The following SLC47A1 variants were observed in gnomAD, a reference collection of about 807,000 sequenced individuals.
SLC47A1 encodes the protein multidrug and toxin extrusion protein 1.
A neutral mutation model predicts 65.8 loss-of-function variants in SLC47A1; 58 were observed. The observed-to-expected ratio is 0.88, with a 90% CI of 0.71 to 1.10. SLC47A1 has a LOEUF of 1.10. SLC47A1 is among the 50% of genes least tolerant of loss of function. The pLI is 0.00. For synonymous variants in SLC47A1, 285 were observed against 295.0 expected (o/e 0.97, Z 0.35); for missense variants, 706 against 719.2 (o/e 0.98, Z 0.21).
At position 19,558,737 on chromosome 17, in the gene SLC47A1, C is replaced by T. The variant is rs535213649; in HGVS notation, c.922-1451C>T. ...TGGGATTACAGGCACAGCCATTGCA[C>T]CCTGCCAGTATTAACTTTGATTGCT... is the stretch of plus-strand genomic sequence containing the variant. On this transcript the variant is annotated intron_variant, in intron 10 of 16. Transcript: ENST00000270570. Among the ~76,000 whole-genome samples the T allele has an allele frequency of 2.8e-4, 43 of 152,236 alleles. No homozygotes were observed. In the South Asian group the frequency reaches 3.3e-3, roughly 12 times the overall value.
chr17:19,564,500 T>C (rs2152316173), intron 12 of SLC47A1: 1 of 152,234 alleles, frequency 6.6e-6, no homozygotes, highest in South Asian at 2.1e-4. Context: ...TAGACAAACA[T>C]GGAACGTGCT....
intron 12 of SLC47A1, among the ~76,000 whole-genome samples, chr17:19,563,385 G>A (rs1024218801): frequency 6.6e-6 from 1 of 151,786 alleles, no homozygotes; most frequent in Non-Finnish European, 1.5e-5. Flanking sequence ...GCCCGCCTCG[G>A]CCTCCCAAAG....
At chr17:19,561,401 T>C (rs1472165777) in intron 12 of SLC47A1, among the ~76,000 whole-genome samples, 5 of 151,982 alleles carry the variant, frequency 3.3e-5, no homozygotes, top group Non-Finnish European at 7.4e-5. Flanking sequence ...CCCAGCACTT[T>C]GGGAGGTTGA....
intron 6 of SLC47A1, among the ~76,000 whole-genome samples, chr17:19,551,987 A>G (rs1330812693): frequency 6.6e-6 from 1 of 152,232 alleles, no homozygotes; most frequent in Non-Finnish European, 1.5e-5. Context: ...GTCAGGGCCA[A>G]AGGCCATGGC....
intron 12 of SLC47A1, 27 bp from the exon 13 acceptor site, chr17:19,566,763 T>C (rs747255904): frequency 1.8e-5 from 29 of 1,611,308 alleles, no homozygotes; most frequent in Non-Finnish European, 2.4e-5. Flanking sequence ...TGTCTCCTAA[T>C]CACCACGTGC....
chr17:19,556,028 C>G lies in SLC47A1; in HGVS notation c.887C>G (p.Ser296Cys). 1 of 1,614,168 alleles carries G rather than the reference C, an allele frequency of 6.2e-7. No individual in the cohort carries two copies. The highest frequency in any genetic ancestry group is 8.5e-7 in the Non-Finnish European group (1 of 1,180,034). Residue 296 changes from serine (S) to cysteine (C), a missense_variant, in exon 10 of 17, where the codon TCC becomes TGC. By Grantham distance (112) the Ser-to-Cys change is moderately radical (BLOSUM62 -1). Coordinates refer to ENST00000270570, the MANE Select transcript of SLC47A1 (RefSeq NM_018242.3). ...GGCATGGTGGAGCTGGGCGCTCAGT[C>G]CATCGTGTATGAACTGGCCATCATT... is the stretch of plus-strand genomic sequence containing the variant. ...ILGMVELGAQ[S>C]IVYELAIIVY...
chr17:19,534,378 C>G (rs1300995433), intron 1 of SLC47A1: 6 of 331,436 alleles, frequency 1.8e-5, no homozygotes, highest in Non-Finnish European at 3.3e-5. Context: ...CAGGAGACAC[C>G]GGAGAGCTGG....
chr17:19,559,996 C>T (rs1487593597), intron 10 of SLC47A1, 192 bp from the exon 11 acceptor site: 4 of 565,838 alleles, frequency 7.1e-6, no homozygotes, highest in African/African-American at 5.7e-5. Context: ...TGCTAAGCAT[C>T]GTAACCTGGG....
At chr17:19,559,340 C>T (rs2084289096) in intron 10 of SLC47A1, among the ~76,000 whole-genome samples, 1 of 152,168 alleles carries the variant, frequency 6.6e-6, no homozygotes, top group African/African-American at 2.4e-5. Context: ...GTCTTCTAAG[C>T]TGGATCCCTT....
chr17:19,555,708 G>T lies in SLC47A1; in HGVS notation c.739+18G>T, dbSNP rs376441180. On this transcript the variant is annotated intron_variant, in intron 8 of 16. Coordinates refer to ENST00000270570, the MANE Select transcript of SLC47A1 (RefSeq NM_018242.3). Reference sequence around the variant, plus strand: ...ATGGGGAGGTAATGACTGCCCTTTTGTCTTCCAACTGGGATGTGGGTTTTG... The same window carrying T: ...ATGGGGAGGTAATGACTGCCCTTTTTTCTTCCAACTGGGATGTGGGTTTTG... The T allele has an allele frequency of 1.8e-5, 29 of 1,613,878 alleles. No homozygotes were observed. Among genetic ancestry groups the T allele is most frequent in the Admixed American group, 1.7e-4 (10 of 60,018 alleles).
At chr17:19,543,994 C>T (rs947595512) in intron 2 of SLC47A1, among the ~76,000 whole-genome samples, 17 of 152,254 alleles carry the variant, frequency 1.1e-4, no homozygotes, top group Admixed American at 6.5e-4. Flanking sequence ...CTCGCTCTGT[C>T]GCCCGGTCTG....
At chr17:19,564,846 G>A (rs1407367403) in intron 12 of SLC47A1, among the ~76,000 whole-genome samples, 2 of 152,042 alleles carry the variant, frequency 1.3e-5, no homozygotes, top group African/African-American at 4.8e-5. Flanking sequence ...TCAGCCTCCC[G>A]AGTAGCTGGG....
In SLC47A1 at chr17:19,549,647, C is replaced by T. The variant is rs1916391473; in HGVS notation, c.468C>T (p.Thr156=). 1.2e-6 allele frequency: 2 copies of T among 1,614,162 alleles called. No individual in the cohort carries two copies. Among genetic ancestry groups the T allele is most frequent in the African/African-American group, 2.7e-5 (2 of 75,036 alleles). Residue 156 remains threonine (T), a synonymous_variant, in exon 5 of 17, where the codon ACC becomes ACT. Coordinates refer to ENST00000270570, the MANE Select transcript of SLC47A1 (RefSeq NM_018242.3). The part of the protein sequence containing the change: ...QDPDVSRLTQ[T]YVTIFIPALP... ...TTTCGTTATTTAGGCTTACCCAGAC[C>T]TATGTCACGATCTTCATTCCAGCTC... is the stretch of plus-strand genomic sequence containing the variant.
intron 14 of SLC47A1, chr17:19,567,953 T>A (rs2084373166): frequency 6.6e-6 from 1 of 152,170 alleles, no homozygotes; most frequent in Admixed American, 6.5e-5. Flanking sequence ...AAGAAAAAAC[T>A]TAATCCACAG....
At chr17:19,538,775 G>A (rs558590178) in intron 1 of SLC47A1, among the ~76,000 whole-genome samples, 27 of 152,292 alleles carry the variant, frequency 1.8e-4, no homozygotes, top group East Asian at 5.8e-4. Context: ...ATCATGGGAG[G>A]GGGTAGGAGA....
At chr17:19,559,676 C>G (rs771841107) in intron 10 of SLC47A1, among the ~76,000 whole-genome samples, 22 of 152,242 alleles carry the variant, frequency 1.4e-4, no homozygotes, top group Non-Finnish European at 3.2e-4. Context: ...GGATTACAGG[C>G]GTGCACCACC....
intron 1 of SLC47A1, among the ~76,000 whole-genome samples, chr17:19,536,067 G>A (rs888949337): frequency 4.0e-5 from 6 of 151,886 alleles, no homozygotes; most frequent in Admixed American, 6.6e-5. Context: ...CTGGAGTAGC[G>A]GAGATTACAG....
At chr17:19,555,125 C>A in intron 6 of SLC47A1, 87 bp from the exon 7 acceptor site, 2 of 1,236,882 alleles carry the variant, frequency 1.6e-6, no homozygotes, top group Non-Finnish European at 1.2e-6. Flanking sequence ...GCTGAGCAGG[C>A]CAGCTGGAGC....
Position 19,567,236 on chromosome 17 carries a change from C to G in SLC47A1, c.1309+8C>G. ...CCACACTTGGAGTGATGGGTAAGCT[C>G]TAACCTCTGCAGGCAGGGCTTAGCT... On this transcript the variant is annotated splice_region_variant and intron_variant, in intron 14 of 16. Transcript: ENST00000270570. 1.2e-6 allele frequency: 2 copies of G among 1,614,186 alleles called. No individual in the cohort carries two copies. The highest frequency in any genetic ancestry group is 1.7e-6 in the Non-Finnish European group (2 of 1,180,038).
Sources: gnomAD v4.1 joint callset for allele counts (sites outside exome capture counted in the v4.1 genomes callset) on GRCh38, gnomAD v4.1.1 for gene constraint, MANE v1.5 for transcripts, NCBI Gene and HGNC (gene_info 2026-07-23, HGNC 2026-07-21) for gene names.